The following APOLD1 variants were observed in gnomAD, a reference collection of about 807,000 sequenced individuals.
APOLD1 encodes apolipoprotein L domain containing 1, also known as apolipoprotein L domain-containing protein 1.
APOLD1 carries 22 observed loss-of-function variants against 15.3 expected under a neutral mutation model. The observed-to-expected ratio is 1.44, with a 90% confidence interval of 1.03 to 2.05. The LOEUF (loss-of-function observed/expected upper bound fraction) is 2.05, where lower values mean the gene tolerates loss of function less well. Among genes scored for constraint, APOLD1 ranks in the 30% most tolerant of loss-of-function variants. The pLI, the probability that APOLD1 is intolerant of heterozygous loss-of-function variation, is 0.00. For missense variants in APOLD1, 394 were observed against 353.5 expected, an observed-to-expected ratio of 1.11 and a Z score of -0.92; for synonymous variants, 190 against 167.4, an observed-to-expected ratio of 1.13 and a Z score of -1.04.
At position 12,786,893 on chromosome 12, in the gene APOLD1, G is replaced by A; in HGVS notation, c.4-16G>A. ...CACGGAGACTCCAGGCTGACCGCGTGTCTATGTCCCCGCAGGGAATGGAGA... is the reference window on the plus strand; with the variant it reads ...CACGGAGACTCCAGGCTGACCGCGTATCTATGTCCCCGCAGGGAATGGAGA... On this transcript the variant is annotated splice_polypyrimidine_tract_variant and intron_variant, in intron 1 of 1. Transcript: ENST00000356591. 1 of 1,415,162 alleles carries A rather than the reference G, an allele frequency of 7.1e-7. No homozygotes were observed. Among genetic ancestry groups the A allele is most frequent in the South Asian group, 1.5e-5 (1 of 65,516 alleles). 87.7% of individuals were successfully genotyped at this position (1,415,162 alleles called of 1,614,324 possible).
intron 1 of APOLD1, among the ~76,000 whole-genome samples, chr12:12,765,655 G>A (rs1165254324): frequency 6.6e-6 from 1 of 152,170 alleles, no homozygotes; most frequent in Non-Finnish European, 1.5e-5. Flanking sequence ...AGGATTGCTT[G>A]AGCCCAGGAA....
At chr12:12,743,805 A>T (rs927103727) in intron 1 of APOLD1, among the ~76,000 whole-genome samples, 1 of 152,162 alleles carries the variant, frequency 6.6e-6, no homozygotes. Flanking sequence ...AGGGATTCAG[A>T]GTGGTGTGAC....
intron 1 of APOLD1, among the ~76,000 whole-genome samples, chr12:12,727,838 G>A (rs1217809375): frequency 6.7e-6 from 1 of 150,064 alleles, no homozygotes; most frequent in Non-Finnish European, 1.5e-5. Flanking sequence ...GGCCTCAAAT[G>A]ATTCTCCTGC....
intron 1 of APOLD1, among the ~76,000 whole-genome samples, chr12:12,730,686 AAAAAAAAAAAAAG>A (rs1946632172): frequency 8.1e-6 from 1 of 123,730 alleles, no homozygotes; most frequent in South Asian, 2.5e-4. Flanking sequence ...CCTCTAAAAA[AAAAAAAAAAAAAG>A]AAAGAAAGAA....
upstream of APOLD1, among the ~76,000 whole-genome samples, chr12:12,782,547 C>T (rs567390780): frequency 1.1e-4 from 16 of 152,260 alleles, no homozygotes; most frequent in Admixed American, 2.6e-4. Context: ...GACAACTTGT[C>T]TCTACAAAAA....
At position 12,787,956 on chromosome 12, in the gene APOLD1, G is replaced by T; in HGVS notation, c.*304G>T. On this transcript the variant is annotated 3_prime_UTR_variant, in exon 2 of 2. Transcript: ENST00000356591. The surrounding 1 kb of genome is among the most constrained non-coding windows in gnomAD (Gnocchi z 4.9). The stretch of plus-strand genomic sequence containing the variant: ...GCTGGGCAGGCACTCCTGTTTTAAA[G>T]TTATTTCGGGGTCCCTGACCCTGCC... 1 of 307,652 alleles carries T rather than the reference G, an allele frequency of 3.3e-6. No individual in the cohort carries two copies. Among genetic ancestry groups the T allele is most frequent in the Non-Finnish European group, 6.0e-6 (1 of 165,974 alleles). The allele number at this position is 307,652 out of a possible 1,614,324, so 19.1% of individuals were successfully genotyped here. A position where few individuals can be genotyped will look rare whatever the true frequency, so the allele number is the denominator to read the frequency against.
At chr12:12,784,846 T>C (rs758388474), upstream of APOLD1, among the ~76,000 whole-genome samples, 9 of 152,192 alleles carry the variant, frequency 5.9e-5, no homozygotes, top group South Asian at 2.1e-4. Flanking sequence ...TGCTGAATTA[T>C]CAAAATAATT....
At chr12:12,764,350 A>G (rs1227220950) in intron 1 of APOLD1, among the ~76,000 whole-genome samples, 2 of 152,206 alleles carry the variant, frequency 1.3e-5, no homozygotes, top group Non-Finnish European at 2.9e-5. Context: ...TGCTTTGACC[A>G]ATATCTCCCC....
chr12:12,791,133 C>A lies in APOLD1; in HGVS notation c.*3481C>A, dbSNP rs1445867784. The stretch of plus-strand genomic sequence containing the variant: ...GAACTGCTCCATTAAAAAAATAATC[C>A]TTAGCAAGCATTCGAATCCTAACTG... On this transcript the variant is annotated 3_prime_UTR_variant, in exon 2 of 2. Coordinates refer to ENST00000356591, the MANE Select transcript of APOLD1 (RefSeq NM_030817.3). The A allele has an allele frequency of 6.6e-6, 1 of 152,132 alleles. No homozygotes were observed. The highest frequency in any genetic ancestry group is 1.5e-5 in the Non-Finnish European group (1 of 68,026). The allele number at this position is 152,132 out of a possible 1,614,324, so 9.4% of individuals were successfully genotyped here.
intron 1 of APOLD1, among the ~76,000 whole-genome samples, chr12:12,731,123 A>G (rs998268822): frequency 7.2e-5 from 11 of 152,236 alleles, no homozygotes; most frequent in Non-Finnish European, 1.5e-4. Context: ...CCTGGGCGAC[A>G]GAGCAAGACG....
At chr12:12,755,792 A>T (rs1489154878) in intron 1 of APOLD1, among the ~76,000 whole-genome samples, 10 of 152,190 alleles carry the variant, frequency 6.6e-5, no homozygotes, top group African/African-American at 2.4e-4. Flanking sequence ...AGTGAGCCGA[A>T]ATTGCGCCAC....
chr12:12,752,741 T>C (rs1946821741), intron 1 of APOLD1, among the ~76,000 whole-genome samples: 1 of 152,214 alleles, frequency 6.6e-6, no homozygotes, highest in African/African-American at 2.4e-5. Flanking sequence ...AGTAGACTAT[T>C]GCTGCAAAAT....
At chr12:12,767,305 C>G (rs1286036435) in intron 1 of APOLD1, among the ~76,000 whole-genome samples, 4 of 152,008 alleles carry the variant, frequency 2.6e-5, no homozygotes, top group African/African-American at 9.7e-5. Context: ...TGAATTAAAC[C>G]AACCACTGAT....
chr12:12,729,144 C>G (rs1946617325), intron 1 of APOLD1, among the ~76,000 whole-genome samples: 1 of 151,780 alleles, frequency 6.6e-6, no homozygotes. Flanking sequence ...TTTTTTCCCC[C>G]AGAATGTTCC....
chr12:12,759,751 A>G (rs1308676331), intron 1 of APOLD1, among the ~76,000 whole-genome samples: 1 of 152,248 alleles, frequency 6.6e-6, no homozygotes, highest in Non-Finnish European at 1.5e-5. Flanking sequence ...TAGTTTATAA[A>G]TGGGCATGGC....
intron 1 of APOLD1, among the ~76,000 whole-genome samples, chr12:12,726,831 G>T (rs1000887935): frequency 6.6e-6 from 1 of 152,126 alleles, no homozygotes; most frequent in Non-Finnish European, 1.5e-5. Context: ...ATAAAAGTCC[G>T]CTAGTCACTC....
intron 1 of APOLD1, among the ~76,000 whole-genome samples, chr12:12,731,492 A>G (rs1439354994): frequency 1.3e-5 from 2 of 152,214 alleles, no homozygotes; most frequent in African/African-American, 2.4e-5. Flanking sequence ...ACCCACATAC[A>G]TATGCAATGA....
chr12:12,782,195 G>T (rs971530867), upstream of APOLD1, among the ~76,000 whole-genome samples: 11 of 152,160 alleles, frequency 7.2e-5, no homozygotes, highest in African/African-American at 2.6e-4. Flanking sequence ...GAAGGCGGAG[G>T]CTGCAGTGAG....
rs138809962 is a variant in APOLD1 at position 12,770,491 on chromosome 12, G to C, written c.97-16418G>C. 9.3e-4 allele frequency among the ~76,000 whole-genome samples: 141 copies of C among 151,084 alleles called. 1 individual carries two copies. Among genetic ancestry groups the C allele is most frequent in the African/African-American group, 3.3e-3 (134 of 41,078 alleles). ...ACGTGCTTATTAGTATACTAAACATGCTGAGGAAAAAATCGCTGTTTGAGG... is the reference window on the plus strand; with the variant it reads ...ACGTGCTTATTAGTATACTAAACATCCTGAGGAAAAAATCGCTGTTTGAGG... On this transcript the variant is annotated intron_variant, in intron 1 of 1. Coordinates refer to the APOLD1 transcript ENST00000326765.
Sources: allele counts gnomAD v4.1 joint callset (sites outside exome capture counted in the v4.1 genomes callset), GRCh38; gene constraint gnomAD v4.1.1; non-coding constraint Gnocchi (gnomAD v3.1); transcripts MANE v1.5; gene names NCBI Gene and HGNC (gene_info 2026-07-23, HGNC 2026-07-21).